Variants in SLCO6A1 observed in about 807,000 individuals in gnomAD.
The protein encoded by SLCO6A1 is solute carrier organic anion transporter family member 6A1.
A neutral mutation model predicts 72.7 loss-of-function variants in SLCO6A1; 65 were observed. The ratio of observed to expected loss-of-function variants is 0.89; its 90% CI spans 0.73 to 1.10. The LOEUF is 1.10. Among genes scored for constraint, SLCO6A1 ranks in the 50% least tolerant of loss-of-function variants. The pLI is 0.00. For synonymous variants in SLCO6A1, 314 were observed against 298.2 expected (o/e 1.05, Z -0.55); for missense variants, 874 against 872.6 (o/e 1.00, Z -0.02).
chr5:102,400,442 A>T (rs1747335407), intron 9 of SLCO6A1, among the ~76,000 whole-genome samples: 1 of 152,068 alleles, frequency 6.6e-6, no homozygotes. Flanking sequence ...CGAAGGCAAA[A>T]GTGTCTAGAG....
intron 6 of SLCO6A1, among the ~76,000 whole-genome samples, chr5:102,445,684 T>C (rs1228610168): frequency 1.3e-5 from 2 of 152,232 alleles, no homozygotes; most frequent in Non-Finnish European, 2.9e-5. Flanking sequence ...GATTGTCTTC[T>C]ATGGTTTTTA....
At chr5:102,470,905 T>C (rs1475719878) in intron 4 of SLCO6A1, among the ~76,000 whole-genome samples, 2 of 152,090 alleles carry the variant, frequency 1.3e-5, no homozygotes, top group Non-Finnish European at 2.9e-5. Flanking sequence ...TCCTTGGTTG[T>C]AGTTTTGTTT....
intron 7 of SLCO6A1, among the ~76,000 whole-genome samples, chr5:102,429,870 C>T (rs1287124868): frequency 6.6e-6 from 1 of 152,120 alleles, no homozygotes; most frequent in African/African-American, 2.4e-5. Flanking sequence ...ATAGGAATAG[C>T]ACTGAATCTG....
intron 10 of SLCO6A1, among the ~76,000 whole-genome samples, chr5:102,395,115 G>A (rs565890550): frequency 1.3e-5 from 2 of 152,084 alleles, no homozygotes; most frequent in African/African-American, 4.8e-5. Flanking sequence ...ATATATATAT[G>A]TGTCATGTTG....
chr5:102,496,934 C>T (rs943584733), intron 1 of SLCO6A1, among the ~76,000 whole-genome samples: 1 of 152,208 alleles, frequency 6.6e-6, no homozygotes, highest in African/African-American at 2.4e-5. Context: ...ACTGTACCTA[C>T]TATAAAGGCA....
chr5:102,448,395 T>G (rs1180434598), intron 6 of SLCO6A1, among the ~76,000 whole-genome samples: 2 of 152,198 alleles, frequency 1.3e-5, no homozygotes, highest in South Asian at 2.1e-4. Flanking sequence ...GTACATTTGG[T>G]CAAGTGTCAA....
intron 6 of SLCO6A1, among the ~76,000 whole-genome samples, chr5:102,457,579 G>A (rs370396816): frequency 1.3e-5 from 2 of 152,056 alleles, no homozygotes; most frequent in East Asian, 1.9e-4. Flanking sequence ...TTAGAATGGC[G>A]ATCATTAAAA....
At chr5:102,425,374 T>A (rs7726174) in intron 7 of SLCO6A1, among the ~76,000 whole-genome samples, 1 of 151,878 alleles carries the variant, frequency 6.6e-6, no homozygotes, top group Non-Finnish European at 1.5e-5. Context: ...GAAAACCCCA[T>A]AATCTCAGCC....
At chr5:102,457,183 T>C (rs1040552417) in intron 6 of SLCO6A1, among the ~76,000 whole-genome samples, 41 of 152,242 alleles carry the variant, frequency 2.7e-4, no homozygotes, top group African/African-American at 9.4e-4. Flanking sequence ...ATTCAGAACA[T>C]AGGCATGGGC....
intron 6 of SLCO6A1, among the ~76,000 whole-genome samples, chr5:102,454,978 G>T: frequency 7.5e-6 from 1 of 133,438 alleles, no homozygotes; most frequent in Non-Finnish European, 1.5e-5. Flanking sequence ...TTTGTTTTAG[G>T]ATTAAACCAG....
intron 9 of SLCO6A1, among the ~76,000 whole-genome samples, chr5:102,410,905 T>C (rs1472205607): frequency 6.6e-6 from 1 of 152,146 alleles, no homozygotes; most frequent in Non-Finnish European, 1.5e-5. Flanking sequence ...GAAGGACTAA[T>C]TTCCACATCT....
chr5:102,375,821 T>C (rs1745753009), intron 12 of SLCO6A1, among the ~76,000 whole-genome samples: 1 of 151,954 alleles, frequency 6.6e-6, no homozygotes, highest in South Asian at 2.1e-4. Flanking sequence ...ATATATTAAA[T>C]AGAGCCCCAG....
rs966088210 is a variant in SLCO6A1 at position 102,438,055 on chromosome 5, T to C, written c.1276+562A>G. 3.3e-5 allele frequency among the ~76,000 whole-genome samples: 5 copies of C among 152,220 alleles called. No homozygotes were observed. In the South Asian group the frequency reaches 1.0e-3, roughly 32 times the overall value. ...ACTTTTACAAATGTACAGAAGGAGA[T>C]ATCAACAAACCTTTTCATTACTACG... On this transcript the variant is annotated intron_variant, in intron 7 of 13. Coordinates refer to ENST00000506729, the MANE Select transcript of SLCO6A1 (RefSeq NM_173488.5).
intron 7 of SLCO6A1, among the ~76,000 whole-genome samples, chr5:102,420,744 C>CA (rs778081703): frequency 2.4e-4 from 37 of 151,794 alleles, no homozygotes; most frequent in Middle Eastern, 3.4e-3. Flanking sequence ...TAAAAAACAA[C>CA]AAAAAAAATC....
intron 9 of SLCO6A1, among the ~76,000 whole-genome samples, chr5:102,402,123 A>G (rs1306073230): frequency 2.0e-5 from 3 of 152,154 alleles, no homozygotes. Flanking sequence ...TAGCAGAATA[A>G]TTGAAATTGA....
intron 12 of SLCO6A1, among the ~76,000 whole-genome samples, chr5:102,378,314 C>CA (rs1394998718): frequency 1.3e-5 from 2 of 152,172 alleles, no homozygotes; most frequent in Non-Finnish European, 2.9e-5. Flanking sequence ...ATCACAAGGA[C>CA]AAAAAACCAA....
At chr5:102,414,313 T>C (rs1748152007) in intron 8 of SLCO6A1, among the ~76,000 whole-genome samples, 1 of 152,176 alleles carries the variant, frequency 6.6e-6, no homozygotes, top group African/African-American at 2.4e-5. Flanking sequence ...TTTCTTAAAA[T>C]TATTGGAGCA....
intron 6 of SLCO6A1, 120 bp downstream of exon 6, chr5:102,458,262 A>G (rs1275991218): frequency 3.1e-6 from 2 of 647,314 alleles, no homozygotes; most frequent in African/African-American, 3.7e-5. Context: ...AATAAAAAAG[A>G]AAAAAAAAGT....
At chr5:102,489,428 T>A (rs1003976162) in intron 1 of SLCO6A1, among the ~76,000 whole-genome samples, 1 of 151,426 alleles carries the variant, frequency 6.6e-6, no homozygotes, top group African/African-American at 2.4e-5. Context: ...AAACAAATAA[T>A]CCAATTTAAA....
Sources: gnomAD v4.1 joint callset for allele counts (sites outside exome capture counted in the v4.1 genomes callset) on GRCh38, gnomAD v4.1.1 for gene constraint, MANE v1.5 for transcripts, NCBI Gene and HGNC (gene_info 2026-07-23, HGNC 2026-07-21) for gene names.